The following CHID1 variants were observed in gnomAD, a reference collection of about 807,000 sequenced individuals.
CHID1 encodes chitinase domain containing 1, also known as chitinase domain-containing protein 1.
CHID1 carries 44 observed loss-of-function variants against 55.4 expected under a neutral mutation model. That is an observed-to-expected ratio of 0.79 (90% CI 0.62 to 1.02). The LOEUF (loss-of-function observed/expected upper bound fraction) is 1.02, where lower values mean the gene tolerates loss of function less well. CHID1 is among the 50% of genes least tolerant of loss of function. The probability of loss-of-function intolerance (pLI) is 0.00; values close to 1 mark genes in which losing one functional copy is unlikely to be tolerated. For synonymous variants in CHID1, 216 were observed against 212.9 expected, an observed-to-expected ratio of 1.01 and a Z score of -0.13; for missense variants, 491 against 515.3, an observed-to-expected ratio of 0.95 and a Z score of 0.46.
chr11:902,037 ACAC>A, intron 4 of CHID1, 158 bp downstream of exon 4: 2 of 160,502 alleles, frequency 1.2e-5, no homozygotes, highest in Non-Finnish European at 1.8e-5. Flanking sequence ...TCTCACACTT[ACAC>A]ACTCACATTC....
In CHID1 at chr11:883,435, G is replaced by A. The variant is rs796413021; in HGVS notation, c.804-132C>T. 3.0e-5 allele frequency: 29 copies of A among 960,312 alleles called. No homozygotes were observed. In the African/African-American group the frequency reaches 3.8e-4, roughly 12 times the overall value. The allele number at this position is 960,312 out of a possible 1,614,324, so 59.5% of individuals were successfully genotyped here. On this transcript the variant is annotated intron_variant, in intron 9 of 12. Coordinates refer to ENST00000323578, the MANE Select transcript of CHID1 (RefSeq NM_023947.4). ...CACCTCTAGAGAGTTGTAAAGAACA[G>A]AAGTCACCCATCAGAAAGGGCTGTC...
chr11:895,202 A>G (rs1396911166), intron 7 of CHID1, among the ~76,000 whole-genome samples: 1 of 152,150 alleles, frequency 6.6e-6, no homozygotes, highest in Non-Finnish European at 1.5e-5. Flanking sequence ...CCTGGTTCCC[A>G]GCCTGTGGGC....
chr11:882,817 G>C (rs543689542), intron 10 of CHID1, among the ~76,000 whole-genome samples: 2 of 152,374 alleles, frequency 1.3e-5, no homozygotes, highest in African/African-American at 4.8e-5. Flanking sequence ...GCAGAGGAGA[G>C]GAGGAGGAGC....
intron 11 of CHID1, 110 bp from the exon 12 acceptor site, chr11:870,273 G>C: frequency 2.1e-6 from 3 of 1,455,310 alleles, no homozygotes; most frequent in Non-Finnish European, 1.9e-6. Flanking sequence ...GTGGCCACCT[G>C]CTGTCCAGCT....
chr11:869,803 A>G lies in CHID1; in HGVS notation c.*55T>C, dbSNP rs190371711. ...GGAGGCCTGTATTTCACACCTGCTC[A>G]CTCACTCCATGGCTTAGAAAAGAAC... On this transcript the variant is annotated 3_prime_UTR_variant, in exon 13 of 13. Coordinates refer to ENST00000323578, the MANE Select transcript of CHID1 (RefSeq NM_023947.4). 7.4e-6 allele frequency: 11 copies of G among 1,484,142 alleles called. No homozygotes were observed. The highest frequency in any genetic ancestry group is 4.5e-5 in the South Asian group (4 of 88,450). 91.9% of individuals were successfully genotyped at this position (1,484,142 alleles called of 1,614,324 possible).
chr11:889,979 G>A (rs1850684007), intron 8 of CHID1, among the ~76,000 whole-genome samples: 1 of 151,362 alleles, frequency 6.6e-6, no homozygotes, highest in Non-Finnish European at 1.5e-5. Context: ...TGGCATCCTC[G>A]CCCCCTCACG....
At chr11:870,916 ATGGGCAGTGCCTCGTACTGGG>A (rs1021779028) in intron 10 of CHID1, among the ~76,000 whole-genome samples, 45 of 148,796 alleles carry the variant, frequency 3.0e-4, no homozygotes, top group Admixed American at 1.4e-3. Flanking sequence ...CCCTGGACTG[ATGGGCAGTGCCTCGTACTGGG>A]TGGGCAGTGC....
chr11:908,697 G>C (rs1051516011), intron 1 of CHID1: 1 of 793,932 alleles, frequency 1.3e-6, no homozygotes, highest in African/African-American at 1.9e-5. Flanking sequence ...GGTTCTCCAG[G>C]GGACTGGCCC....
At chr11:880,025 A>G (rs1849790408) in intron 10 of CHID1, among the ~76,000 whole-genome samples, 1 of 152,216 alleles carries the variant, frequency 6.6e-6, no homozygotes, top group South Asian at 2.1e-4. Flanking sequence ...AGCAGCCCCA[A>G]CTGAAAGAAC....
At chr11:893,707 T>C (rs1851024419) in intron 7 of CHID1, among the ~76,000 whole-genome samples, 188 bp from the exon 8 acceptor site, 2 of 150,514 alleles carry the variant, frequency 1.3e-5, no homozygotes, top group Admixed American at 6.6e-5. Context: ...CACTGTCTCA[T>C]GCCCCAGTGG....
intron 4 of CHID1, among the ~76,000 whole-genome samples, chr11:901,932 A>G (rs1851838731): frequency 6.1e-4 from 2 of 3,290 alleles, no homozygotes; most frequent in South Asian, 0.33. Context: ...CAGTCACCAC[A>G]CTCAACACTC....
intron 1 of CHID1, among the ~76,000 whole-genome samples, chr11:906,915 C>T (rs901886654): frequency 2.6e-5 from 4 of 152,164 alleles, no homozygotes; most frequent in African/African-American, 9.7e-5. Flanking sequence ...GTAATCCCAG[C>T]TTCTCGGGAC....
At chr11:874,788 T>C (rs1047626520) in intron 10 of CHID1, 2 of 152,236 alleles carry the variant, frequency 1.3e-5, no homozygotes, top group Non-Finnish European at 2.9e-5. Flanking sequence ...CTGCTAGGGC[T>C]GTCCTGGCTC....
intron 11 of CHID1, 49 bp downstream of exon 11, chr11:870,370 C>G (rs1028724875): frequency 1.3e-6 from 2 of 1,501,872 alleles, no homozygotes; most frequent in Admixed American, 1.8e-5. Context: ...CCCCAGGGCC[C>G]CTCCCTGCAC....
At chr11:912,522 GCCAATGGGCCCCGTGTA>G (rs1452961710), upstream of CHID1, among the ~76,000 whole-genome samples, 1 of 152,036 alleles carries the variant, frequency 6.6e-6, no homozygotes, top group African/African-American at 2.4e-5. Context: ...CATAGTTTGT[GCCAATGGGCCCCGTGTA>G]CCTGCATTGA....
chr11:904,573 C>T, intron 2 of CHID1, 133 bp downstream of exon 2: 1 of 1,010,746 alleles, frequency 9.9e-7, no homozygotes, highest in South Asian at 1.6e-5. Flanking sequence ...CGGCTGCGGG[C>T]TCATCAGGTG....
chr11:899,501 G>T, intron 6 of CHID1, 100 bp from the exon 7 acceptor site: 1 of 1,142,400 alleles, frequency 8.8e-7, no homozygotes. Flanking sequence ...TCAGGTTGTG[G>T]CCTGGTCACT....
intron 10 of CHID1, among the ~76,000 whole-genome samples, chr11:876,474 T>C (rs1419010542): frequency 6.6e-6 from 1 of 152,130 alleles, no homozygotes; most frequent in African/African-American, 2.4e-5. Flanking sequence ...CGTGCAGACA[T>C]TCAGGCGGAG....
chr11:876,777 G>T (rs926192851), intron 10 of CHID1, among the ~76,000 whole-genome samples: 1 of 152,250 alleles, frequency 6.6e-6, no homozygotes, highest in Admixed American at 6.5e-5. Context: ...AGCCTTGCGG[G>T]AGGTGGCCCT....
Sources: allele counts gnomAD v4.1 joint callset (sites outside exome capture counted in the v4.1 genomes callset), GRCh38; gene constraint gnomAD v4.1.1; transcripts MANE v1.5; gene names NCBI Gene and HGNC (gene_info 2026-07-23, HGNC 2026-07-21).